DPP6: variants seen among roughly 807,000 people sequenced by gnomAD.
DPP6 encodes the protein A-type potassium channel modulatory protein DPP6.
DPP6 carries 69 observed loss-of-function variants against 122.6 expected under a neutral mutation model. The ratio of observed to expected loss-of-function variants is 0.56; its 90% CI spans 0.46 to 0.69. DPP6 has a LOEUF of 0.69. Among genes scored for constraint, DPP6 ranks in the 30% least tolerant of loss-of-function variants. The pLI, the probability that DPP6 is intolerant of heterozygous loss-of-function variation, is 0.00. For synonymous variants in DPP6, 418 were observed against 433.1 expected, an observed-to-expected ratio of 0.97 and a Z score of 0.43; for missense variants, 928 against 1,116.9, an observed-to-expected ratio of 0.83 and a Z score of 2.41.
chr7:154,844,033 A>G (rs1219905296), intron 16 of DPP6, among the ~76,000 whole-genome samples: 2 of 152,244 alleles, frequency 1.3e-5, no homozygotes, highest in African/African-American at 4.8e-5. Flanking sequence ...CATGCAAAGT[A>G]AAAAAGAAAC....
At chr7:154,449,078 A>C (rs906877531) in intron 2 of DPP6, among the ~76,000 whole-genome samples, 3 of 152,246 alleles carry the variant, frequency 2.0e-5, no homozygotes, top group African/African-American at 7.2e-5. Flanking sequence ...ATTGGACTTC[A>C]TCAAACTTAA....
chr7:154,318,742 A>G (rs1436554373), intron 1 of DPP6, among the ~76,000 whole-genome samples: 4 of 152,232 alleles, frequency 2.6e-5, no homozygotes, highest in Non-Finnish European at 5.9e-5. Context: ...CTCAGTAAGT[A>G]GAGTGTAGTA....
At chr7:154,026,285 C>T (rs570470704) in intron 1 of DPP6, 48 of 152,080 alleles carry the variant, frequency 3.2e-4, no homozygotes, top group Middle Eastern at 3.4e-3. Context: ...GAAGCTTTCA[C>T]CTGGTTTCTC....
At chr7:154,442,996 A>G (rs530899942) in intron 1 of DPP6, among the ~76,000 whole-genome samples, 7 of 152,154 alleles carry the variant, frequency 4.6e-5, no homozygotes, top group African/African-American at 1.7e-4. Flanking sequence ...TTTCACTCAG[A>G]GGTAAGCCGA....
At chr7:153,798,999 T>C in the DPP6 span, among the ~76,000 whole-genome samples, 1 of 152,182 alleles carries the variant, frequency 6.6e-6, no homozygotes, top group African/African-American at 2.4e-5. Context: ...ATGTGAGCAA[T>C]GGGGAGTGGC....
intron 1 of DPP6, among the ~76,000 whole-genome samples, chr7:154,315,880 G>C (rs1430776705): frequency 6.6e-6 from 1 of 152,162 alleles, no homozygotes; most frequent in African/African-American, 2.4e-5. Flanking sequence ...ACTTTAATAT[G>C]GTACTTCCTG....
chr7:154,307,281 T>G (rs1200668050), intron 1 of DPP6, among the ~76,000 whole-genome samples: 1 of 152,218 alleles, frequency 6.6e-6, no homozygotes, highest in Non-Finnish European at 1.5e-5. Context: ...TATACCTTTT[T>G]GTCATTGGAA....
chr7:154,096,772 CTG>C (rs1805351459), intron 1 of DPP6, among the ~76,000 whole-genome samples: 1 of 152,100 alleles, frequency 6.6e-6, no homozygotes, highest in African/African-American at 2.4e-5. Flanking sequence ...TTTGCTGTCT[CTG>C]TGTGTGAAAT....
At position 154,843,097 on chromosome 7, in the gene DPP6, T is replaced by C. The variant is rs375004904; in HGVS notation, c.1667-10683T>C. Among the ~76,000 whole-genome samples, 53 of 152,314 alleles carry C rather than the reference T, an allele frequency of 3.5e-4. 1 individual carries two copies. The Middle Eastern group carries it at 0.031, about 88-fold the overall frequency. On this transcript the variant is annotated intron_variant, in intron 16 of 25. Transcript: ENST00000377770. ...TATTTGACCTGAACCAGGAAGGAAC[T>C]CACAATGAAATATGATTGTATGCTT...
intron 1 of DPP6, among the ~76,000 whole-genome samples, chr7:154,428,070 G>A (rs1043551298): frequency 6.6e-6 from 1 of 152,150 alleles, no homozygotes; most frequent in Non-Finnish European, 1.5e-5. Flanking sequence ...ATAGTTCTAT[G>A]TTCTAAATTC....
At chr7:153,861,135 G>T in the DPP6 span, among the ~76,000 whole-genome samples, 1 of 151,964 alleles carries the variant, frequency 6.6e-6, no homozygotes, top group Non-Finnish European at 1.5e-5. Context: ...AAACTTTTGG[G>T]TTAATTAATT....
At chr7:154,079,735 T>C (rs1367438855) in intron 1 of DPP6, among the ~76,000 whole-genome samples, 2 of 152,094 alleles carry the variant, frequency 1.3e-5, no homozygotes, top group South Asian at 2.1e-4. Flanking sequence ...AATCAGAGTC[T>C]GGACTTTGCT....
In DPP6 at chr7:154,063,146, A is replaced by T. The variant is rs377691365; in HGVS notation, c.243+10083A>T. Among the ~76,000 whole-genome samples, 22 of 114,374 alleles carry T rather than the reference A, an allele frequency of 1.9e-4. 1 individual carries two copies. In the East Asian group the frequency reaches 2.3e-3, roughly 12 times the overall value. The allele number at this position is 114,374 out of a possible 152,430, so 75.0% of individuals were successfully genotyped here. A position where few individuals can be genotyped will look rare whatever the true frequency, so the allele number is the denominator to read the frequency against. On this transcript the variant is annotated intron_variant, in intron 1 of 25. Transcript: ENST00000377770. ...GGAGGCACCCCCCACGAGAGTGGGG[A>T]CTGAGAGCTATCCCCTTTTCCGCCC...
chr7:154,357,919 G>A (rs1811405976), intron 1 of DPP6, among the ~76,000 whole-genome samples: 1 of 150,916 alleles, frequency 6.6e-6, no homozygotes, highest in Admixed American at 6.6e-5. Context: ...TCCAGCCTGG[G>A]TGACAAGACA....
At chr7:154,324,829 A>ATTTTC (rs1298229532) in intron 1 of DPP6, among the ~76,000 whole-genome samples, 8 of 134,632 alleles carry the variant, frequency 5.9e-5, no homozygotes, top group Admixed American at 2.2e-4. Context: ...TATTGTCTCC[A>ATTTTC]TTTTCTTTTC....
At chr7:154,469,922 G>T (rs542297959) in intron 2 of DPP6, among the ~76,000 whole-genome samples, 2 of 152,172 alleles carry the variant, frequency 1.3e-5, no homozygotes, top group African/African-American at 2.4e-5. Context: ...GGAACAGGCT[G>T]CAGTGGTTTA....
intron 16 of DPP6, among the ~76,000 whole-genome samples, chr7:154,807,543 A>C (rs373512596): frequency 6.6e-6 from 1 of 152,220 alleles, no homozygotes; most frequent in African/African-American, 2.4e-5. Context: ...GAATATCACC[A>C]GGCACGGTGG....
intron 1 of DPP6, among the ~76,000 whole-genome samples, chr7:154,125,066 C>T (rs191908308): frequency 1.6e-4 from 25 of 152,292 alleles, no homozygotes; most frequent in African/African-American, 5.5e-4. Flanking sequence ...GCAGTCAGGG[C>T]GCAGCCCATT....
At chr7:153,935,138 A>G (rs1270278629) in intron 1 of DPP6, among the ~76,000 whole-genome samples, 2 of 152,152 alleles carry the variant, frequency 1.3e-5, no homozygotes, top group East Asian at 3.9e-4. Flanking sequence ...CTCTGGGCAC[A>G]GTGATAGCCA....
Sources: allele counts gnomAD v4.1 joint callset (sites outside exome capture counted in the v4.1 genomes callset), GRCh38; gene constraint gnomAD v4.1.1; transcripts MANE v1.5; gene names NCBI Gene and HGNC (gene_info 2026-07-23, HGNC 2026-07-21).